Variants in EXT1 observed in about 807,000 individuals in gnomAD.
EXT1 encodes the protein exostosin glycosyltransferase 1.
A neutral mutation model predicts 82.5 loss-of-function variants in EXT1; 20 were observed. The observed-to-expected ratio is 0.24, with a 90% CI of 0.17 to 0.35. The LOEUF (loss-of-function observed/expected upper bound fraction) is 0.35. Among genes scored for constraint, EXT1 ranks in the 10% least tolerant of loss-of-function variants. EXT1 has a pLI of 1.00. For missense variants in EXT1, 757 were observed against 936.5 expected (o/e 0.81, Z 2.50); for synonymous variants, 348 against 350.8 (o/e 0.99, Z 0.09).
chr8:117,936,880 A>G (rs542639127), intron 1 of EXT1, among the ~76,000 whole-genome samples: 7 of 152,072 alleles, frequency 4.6e-5, no homozygotes, highest in Non-Finnish European at 8.8e-5. Flanking sequence ...ATCTCAAAAA[A>G]TAAATAAATA....
intron 1 of EXT1, among the ~76,000 whole-genome samples, chr8:118,102,876 C>T (rs1459888315): frequency 2.0e-5 from 3 of 152,020 alleles, no homozygotes; most frequent in East Asian, 1.9e-4. Context: ...CAAGGTCGGC[C>T]GGGCTTGGTG....
rs28357280 is a variant in EXT1 at position 117,911,917 on chromosome 8, A to G, written c.963-74716T>C. 6.5e-3 allele frequency among the ~76,000 whole-genome samples: 989 copies of G among 152,354 alleles called. 8 individuals carry two copies. Among genetic ancestry groups the G allele is most frequent in the African/African-American group, 0.019 (805 of 41,584 alleles). On this transcript the variant is annotated intron_variant, in intron 1 of 10. Coordinates refer to ENST00000378204, the MANE Select transcript of EXT1 (RefSeq NM_000127.3). Reference sequence around the variant, plus strand: ...TTAAAAAACACTGACACAATCTGCAATATGAATCTTCTTTCTCACGGGAGC... The same window carrying G: ...TTAAAAAACACTGACACAATCTGCAGTATGAATCTTCTTTCTCACGGGAGC...
At chr8:118,035,830 T>C (rs915193015) in intron 1 of EXT1, among the ~76,000 whole-genome samples, 1 of 152,220 alleles carries the variant, frequency 6.6e-6, no homozygotes, top group Non-Finnish European at 1.5e-5. Context: ...AAAAAAAGGT[T>C]TACATGATAG....
chr8:118,062,606 G>A lies in EXT1; in HGVS notation c.962+47479C>T, dbSNP rs112276908. The stretch of plus-strand genomic sequence containing the variant: ...TCATATGTTAACAGCCCAGAGATGC[G>A]AAATATTCACAAGGAACAGTAGTGG... On this transcript the variant is annotated intron_variant, in intron 1 of 10. Coordinates refer to ENST00000378204, the MANE Select transcript of EXT1 (RefSeq NM_000127.3). Among the ~76,000 whole-genome samples the A allele has an allele frequency of 7.4e-3, 1,128 of 152,246 alleles. 8 individuals carry two copies. The highest frequency in any genetic ancestry group is 9.5e-3 in the Non-Finnish European group (646 of 68,026).
intron 1 of EXT1, among the ~76,000 whole-genome samples, chr8:117,892,592 A>G (rs1161893670): frequency 1.3e-5 from 2 of 152,264 alleles, no homozygotes; most frequent in East Asian, 1.9e-4. Flanking sequence ...CAGAGGAGAG[A>G]TATGAGCTGA....
intron 1 of EXT1, among the ~76,000 whole-genome samples, chr8:117,941,356 GC>G (rs900492583): frequency 6.6e-6 from 1 of 152,190 alleles, no homozygotes; most frequent in Non-Finnish European, 1.5e-5. Flanking sequence ...TTCCTAAGCT[GC>G]AAAATTTTAA....
At chr8:117,899,570 G>A (rs557554970) in intron 1 of EXT1, among the ~76,000 whole-genome samples, 13 of 152,262 alleles carry the variant, frequency 8.5e-5, no homozygotes, top group Non-Finnish European at 1.5e-4. Context: ...CTTTCGGAAC[G>A]ATCAGCTGGG....
intron 1 of EXT1, among the ~76,000 whole-genome samples, chr8:118,015,378 A>G (rs1405041123): frequency 6.6e-6 from 1 of 152,240 alleles, no homozygotes; most frequent in African/African-American, 2.4e-5. Context: ...CATGAAGACC[A>G]TGACTCGGTT....
intron 1 of EXT1, among the ~76,000 whole-genome samples, chr8:117,860,498 A>G (rs1172702149): frequency 1.3e-5 from 2 of 152,168 alleles, no homozygotes; most frequent in Non-Finnish European, 2.9e-5. Context: ...TGCCCCCTAA[A>G]TCTATTTCAA....
intron 1 of EXT1, among the ~76,000 whole-genome samples, chr8:117,943,440 T>C (rs1814325792): frequency 1.3e-5 from 2 of 152,112 alleles, no homozygotes; most frequent in Non-Finnish European, 2.9e-5. Flanking sequence ...ATAGTATATT[T>C]ATGCAAAGGA....
rs1001215205 is a variant in EXT1, at chr8:117,794,636, C to T, written c.*5076G>A. The T allele has an allele frequency of 1.3e-5, 2 of 151,982 alleles. No homozygotes were observed. The highest frequency in any genetic ancestry group is 2.9e-5 in the Non-Finnish European group (2 of 68,012). 9.4% of individuals were successfully genotyped at this position (151,982 alleles called of 1,614,324 possible). A position where few individuals can be genotyped will look rare whatever the true frequency, so the allele number is the denominator to read the frequency against. ...AGTTACACAGGTCAGTGAAGTAAAT[C>T]AATATCTATGGCTTTGTATTTTCTC... is the stretch of plus-strand genomic sequence containing the variant. On this transcript the variant is annotated 3_prime_UTR_variant, in exon 11 of 11. Coordinates refer to ENST00000378204, the MANE Select transcript of EXT1 (RefSeq NM_000127.3).
chr8:117,870,100 A>T (rs1812843325), intron 1 of EXT1, among the ~76,000 whole-genome samples: 1 of 149,958 alleles, frequency 6.7e-6, no homozygotes, highest in South Asian at 2.1e-4. Flanking sequence ...TCCTTACTTT[A>T]AAAAAAAAAT....
rs906502156 is a variant in EXT1, at chr8:117,950,793, G to A, written c.963-113592C>T. ...GATGTTATTCAAGTTCACCTTGATT[G>A]TTTTACTGGGTCCTAACCAGGAGCT... On this transcript the variant is annotated intron_variant, in intron 1 of 10. Transcript: ENST00000378204. Among the ~76,000 whole-genome samples, 80 of 152,326 alleles carry A rather than the reference G, an allele frequency of 5.3e-4. 1 individual carries two copies. Among genetic ancestry groups the A allele is most frequent in the African/African-American group, 1.9e-3 (78 of 41,576 alleles).
chr8:117,881,507 G>A (rs1015125291), intron 1 of EXT1, among the ~76,000 whole-genome samples: 10 of 152,190 alleles, frequency 6.6e-5, no homozygotes, highest in Non-Finnish European at 1.5e-4. Flanking sequence ...GGGCTGGTGA[G>A]AGGTGTTGGT....
At chr8:118,085,629 CT>C (rs1817403940) in intron 1 of EXT1, among the ~76,000 whole-genome samples, 1 of 151,678 alleles carries the variant, frequency 6.6e-6, no homozygotes, top group Non-Finnish European at 1.5e-5. Context: ...TTACTGCAAA[CT>C]TTAAGGGAAT....
At chr8:118,106,050 C>G (rs1817798780) in intron 1 of EXT1, among the ~76,000 whole-genome samples, 1 of 152,178 alleles carries the variant, frequency 6.6e-6, no homozygotes, top group South Asian at 2.1e-4. Flanking sequence ...CCCAACTAAA[C>G]AAACAGGCAA....
intron 1 of EXT1, among the ~76,000 whole-genome samples, chr8:117,896,095 C>A (rs1285843261): frequency 6.6e-6 from 1 of 152,194 alleles, no homozygotes; most frequent in Non-Finnish European, 1.5e-5. Context: ...TGTGGGATTT[C>A]ATTTCTACCT....
At chr8:117,869,381 T>C (rs1415513544) in intron 1 of EXT1, among the ~76,000 whole-genome samples, 3 of 152,190 alleles carry the variant, frequency 2.0e-5, no homozygotes, top group Non-Finnish European at 2.9e-5. Flanking sequence ...CAGAGCTGGC[T>C]AAGGGGCTGG....
chr8:118,046,049 G>A (rs993264668), intron 1 of EXT1, among the ~76,000 whole-genome samples: 1 of 151,820 alleles, frequency 6.6e-6, no homozygotes, highest in Admixed American at 6.6e-5. Flanking sequence ...GCCAGCCTCA[G>A]CCTCTTAAAG....
Sources: allele counts gnomAD v4.1 joint callset (sites outside exome capture counted in the v4.1 genomes callset), GRCh38; gene constraint gnomAD v4.1.1; transcripts MANE v1.5; gene names NCBI Gene and HGNC (gene_info 2026-07-23, HGNC 2026-07-21).